The following ZNF804B variants were observed in gnomAD, a reference collection of about 807,000 sequenced individuals.
ZNF804B encodes the protein zinc finger protein 804B, also known as zinc finger 804B.
Under a neutral mutation model 101.4 loss-of-function variants are expected in ZNF804B, and 80 were observed. The ratio of observed to expected loss-of-function variants is 0.79; its 90% CI spans 0.66 to 0.95. ZNF804B has a LOEUF of 0.95. Among genes scored for constraint, ZNF804B ranks in the 40% least tolerant of loss-of-function variants. ZNF804B has a pLI of 0.00. For missense variants in ZNF804B, 1,673 were observed against 1,561.9 expected, an observed-to-expected ratio of 1.07 and a Z score of -1.20; for synonymous variants, 622 against 558.8, an observed-to-expected ratio of 1.11 and a Z score of -1.59.
At chr7:89,105,064 G>T (rs191960860) in intron 1 of ZNF804B, among the ~76,000 whole-genome samples, 1 of 152,048 alleles carries the variant, frequency 6.6e-6, no homozygotes, top group Non-Finnish European at 1.5e-5. Context: ...TATACCTTCT[G>T]ATTTCAATGG....
intron 1 of ZNF804B, among the ~76,000 whole-genome samples, chr7:88,885,676 T>G (rs953840841): frequency 5.3e-5 from 8 of 150,996 alleles, no homozygotes; most frequent in African/African-American, 1.9e-4. Context: ...TTTCAGAAAT[T>G]AGTTTTTTAC....
At chr7:89,037,245 T>C (rs187403423) in intron 1 of ZNF804B, among the ~76,000 whole-genome samples, 9 of 152,132 alleles carry the variant, frequency 5.9e-5, no homozygotes, top group Admixed American at 1.3e-4. Flanking sequence ...GAAAATCAAA[T>C]ATAGTAATCA....
At chr7:88,929,562 A>G (rs868137085) in intron 1 of ZNF804B, among the ~76,000 whole-genome samples, 1 of 151,900 alleles carries the variant, frequency 6.6e-6, no homozygotes, top group Non-Finnish European at 1.5e-5. Flanking sequence ...TTGTATAAAG[A>G]CACTTGATAT....
intron 1 of ZNF804B, among the ~76,000 whole-genome samples, chr7:89,067,996 G>A (rs999728441): frequency 6.6e-6 from 1 of 150,650 alleles, no homozygotes; most frequent in Non-Finnish European, 1.5e-5. Flanking sequence ...TTTTGAGAGT[G>A]TTTATGTTAA....
chr7:89,239,048 G>A (rs919582811), intron 2 of ZNF804B, among the ~76,000 whole-genome samples: 8 of 152,138 alleles, frequency 5.3e-5, no homozygotes, highest in African/African-American at 1.9e-4. Flanking sequence ...ACAACAAGGA[G>A]TTTTATGTTT....
At chr7:89,145,554 T>C (rs1562896622) in intron 1 of ZNF804B, among the ~76,000 whole-genome samples, 1 of 152,084 alleles carries the variant, frequency 6.6e-6, no homozygotes, top group Non-Finnish European at 1.5e-5. Context: ...TCAGGTATTA[T>C]TCAATTCTTT....
intron 1 of ZNF804B, among the ~76,000 whole-genome samples, chr7:89,130,154 C>T (rs1231453706): frequency 6.6e-6 from 1 of 151,786 alleles, no homozygotes; most frequent in Non-Finnish European, 1.5e-5. Flanking sequence ...TTTTCCTGGC[C>T]ACAGAGTGAA....
chr7:89,144,547 G>C (rs1387227722), intron 1 of ZNF804B, among the ~76,000 whole-genome samples: 1 of 151,860 alleles, frequency 6.6e-6, no homozygotes, highest in Non-Finnish European at 1.5e-5. Flanking sequence ...GGCGGGGAAG[G>C]GTGATGGACA....
intron 1 of ZNF804B, among the ~76,000 whole-genome samples, chr7:89,182,620 G>T (rs185316479): frequency 3.3e-5 from 5 of 152,190 alleles, no homozygotes; most frequent in Admixed American, 6.5e-5. Flanking sequence ...TTACTCCAGA[G>T]AACTCAAAAA....
intron 1 of ZNF804B, among the ~76,000 whole-genome samples, chr7:89,203,229 A>G (rs985057921): frequency 6.6e-6 from 1 of 152,146 alleles, no homozygotes; most frequent in African/African-American, 2.4e-5. Flanking sequence ...AATACAGATA[A>G]ACATTGGCCC....
At chr7:89,056,771 A>G (rs1789300622) in intron 1 of ZNF804B, among the ~76,000 whole-genome samples, 1 of 152,116 alleles carries the variant, frequency 6.6e-6, no homozygotes, top group Non-Finnish European at 1.5e-5. Context: ...GGAGTGGGGG[A>G]AACACTATAA....
rs548310760 is a variant in ZNF804B at position 88,933,550 on chromosome 7, G to A, written c.108+173466G>A. ...TATACCTAGAAAACTCTAAAGTTTCGTTCAAAAAGCTCCTATATCTGATAA... is the reference window on the plus strand; with the variant it reads ...TATACCTAGAAAACTCTAAAGTTTCATTCAAAAAGCTCCTATATCTGATAA... On this transcript the variant is annotated intron_variant, in intron 1 of 3. Transcript: ENST00000333190. Among the ~76,000 whole-genome samples, 4 of 151,868 alleles carry A rather than the reference G, an allele frequency of 2.6e-5. 1 individual carries two copies. The highest frequency in any genetic ancestry group is 7.2e-5 in the African/African-American group (3 of 41,484).
rs202242786 is a variant in ZNF804B, at chr7:88,975,460, GA to G, written c.108+215385del. On this transcript the variant is annotated intron_variant, in intron 1 of 3. Transcript: ENST00000333190. The stretch of plus-strand genomic sequence containing the variant: ...ATATTTGATATTGCTTGTCTTTTAG[GA>G]AAAAAAAAGTGATTTTAACAAGGAT... Among the ~76,000 whole-genome samples the G allele has an allele frequency of 1.2e-3, 186 of 149,256 alleles. 2 individuals are homozygous for G. The highest frequency in any genetic ancestry group is 3.7e-3 in the African/African-American group (153 of 40,870).
At chr7:88,925,272 C>T (rs1792779019) in intron 1 of ZNF804B, among the ~76,000 whole-genome samples, 1 of 152,166 alleles carries the variant, frequency 6.6e-6, no homozygotes, top group Non-Finnish European at 1.5e-5. Context: ...GGCCCTGTGC[C>T]ACTGCCGAGG....
intron 1 of ZNF804B, among the ~76,000 whole-genome samples, chr7:88,903,779 T>G (rs1792427368): frequency 6.6e-6 from 1 of 152,156 alleles, no homozygotes; most frequent in Non-Finnish European, 1.5e-5. Flanking sequence ...TCCATGCCCT[T>G]CGCCCTTTTT....
At chr7:89,280,674 C>T (rs912824803) in intron 2 of ZNF804B, among the ~76,000 whole-genome samples, 2 of 152,110 alleles carry the variant, frequency 1.3e-5, no homozygotes, top group Non-Finnish European at 2.9e-5. Context: ...ATAAATTCCT[C>T]GACACATACA....
At chr7:88,761,116 A>G (rs1789889293) in intron 1 of ZNF804B, among the ~76,000 whole-genome samples, 1 of 151,926 alleles carries the variant, frequency 6.6e-6, no homozygotes, top group South Asian at 2.1e-4. Context: ...CTTCTTTAGC[A>G]TGAATTATTC....
At chr7:89,023,257 C>T (rs1788696012) in intron 1 of ZNF804B, among the ~76,000 whole-genome samples, 1 of 152,118 alleles carries the variant, frequency 6.6e-6, no homozygotes, top group Non-Finnish European at 1.5e-5. Context: ...ACTTTTTCAC[C>T]AGTGAACTCA....
chr7:88,852,382 C>A (rs1380669403), intron 1 of ZNF804B, among the ~76,000 whole-genome samples: 1 of 151,928 alleles, frequency 6.6e-6, no homozygotes, highest in Non-Finnish European at 1.5e-5. Context: ...ATTTTTTTTA[C>A]CTAGACTGAT....
Sources: allele counts gnomAD v4.1 joint callset (sites outside exome capture counted in the v4.1 genomes callset), GRCh38; gene constraint gnomAD v4.1.1; transcripts MANE v1.5; gene names NCBI Gene and HGNC (gene_info 2026-07-23, HGNC 2026-07-21).